The following ZFP69 variants were observed in gnomAD, a reference collection of about 807,000 sequenced individuals.
ZFP69 encodes ZFP69 zinc finger protein.
ZFP69 carries 35 observed loss-of-function variants against 48.9 expected under a neutral mutation model. The observed-to-expected ratio is 0.72, with a 90% CI of 0.55 to 0.95. The LOEUF (loss-of-function observed/expected upper bound fraction) is 0.95, where lower values mean the gene tolerates loss of function less well. Ranked by LOEUF, ZFP69 falls within the 40% of genes least tolerant of loss-of-function variation. The pLI is 0.00. For synonymous variants in ZFP69, 193 were observed against 216.8 expected (o/e 0.89, Z 0.96); for missense variants, 557 against 638.4 (o/e 0.87, Z 1.37).
intron 2 of ZFP69, among the ~76,000 whole-genome samples, chr1:40,481,210 G>A (rs945329239): frequency 6.6e-6 from 1 of 151,354 alleles, no homozygotes; most frequent in Admixed American, 6.6e-5. Context: ...GGATACAAAA[G>A]TGGGTGCCTT....
In ZFP69 at chr1:40,495,966, A is replaced by G. The variant is rs758856847; in HGVS notation, c.1488A>G (p.Glu496=). 1.2e-6 allele frequency: 2 copies of G among 1,614,204 alleles called. No individual in the cohort carries two copies. The highest frequency in any genetic ancestry group is 4.5e-5 in the East Asian group (2 of 44,864). ...ATCACACTGGAGAAAAACCTTACGA[A>G]TGTAACGAATGTGGAAAAGCCTTCA... is the stretch of plus-strand genomic sequence containing the variant. ...QRHHTGEKPY[E]CNECGKAFSY... Residue 496 remains glutamate (E), a synonymous_variant, in exon 6 of 6, where the codon GAA becomes GAG. Transcript: ENST00000372706.
intron 3 of ZFP69, among the ~76,000 whole-genome samples, chr1:40,487,619 T>C (rs974044567): frequency 6.6e-6 from 1 of 152,234 alleles, no homozygotes; most frequent in Non-Finnish European, 1.5e-5. Context: ...ATTAGTATGA[T>C]AATTTTATAG....
In ZFP69 at chr1:40,495,924, TA is replaced by T; in HGVS notation, c.1452del (p.Lys484AsnfsTer50). 6.2e-7 allele frequency: 1 copy of T among 1,614,132 alleles called. No individual in the cohort carries two copies. Among genetic ancestry groups the T allele is most frequent in the Non-Finnish European group, 8.5e-7 (1 of 1,180,028 alleles). ...AAGCCTATAGGCATGATTCATCCTT[TA>T]AAAAACATCAGAGACATCACACTGG... ...GKAYRHDSSF[K>X]KHQRHHTGEK... On this transcript the variant is annotated frameshift_variant, in exon 6 of 6. Coordinates refer to ENST00000372706, the MANE Select transcript of ZFP69 (RefSeq NM_001320179.2). LOFTEE classifies it high-confidence loss of function.
Position 40,496,004 on chromosome 1 carries a change from C to T in ZFP69, c.1526C>T (p.Ser509Leu). Reference sequence around the variant, plus strand: ...GGAAAAGCCTTCAGCTATAACTCTTCACTTAGTCGACATCATGAAATACAC... The same window carrying T: ...GGAAAAGCCTTCAGCTATAACTCTTTACTTAGTCGACATCATGAAATACAC... The part of the protein sequence containing the change: ...ECGKAFSYNS[S>L]LSRHHEIHRR... The change falls in exon 6 of 6, where the codon TCA becomes TTA. Residue 509 changes from serine (S) to leucine (L), a missense_variant. By Grantham distance (145) the Ser-to-Leu change is moderately radical (BLOSUM62 -2). Coordinates refer to ENST00000372706, the MANE Select transcript of ZFP69 (RefSeq NM_001320179.2). 6.2e-7 allele frequency: 1 copy of T among 1,612,214 alleles called. No individual in the cohort carries two copies. Among genetic ancestry groups the T allele is most frequent in the Non-Finnish European group, 8.5e-7 (1 of 1,179,200 alleles).
Position 40,495,417 on chromosome 1 carries a change from C to T in ZFP69, c.939C>T (p.Ser313=). ...ECGRAFSQSA[S]LSTHQRIHTG... is the part of the protein sequence containing the mutation. ...GAAGGGCCTTTAGTCAAAGTGCATC[C>T]CTCAGTACACACCAGAGAATCCATA... Residue 313 remains serine, a synonymous_variant, in exon 6 of 6, where the codon TCC becomes TCT. Transcript: ENST00000372706. The T allele has an allele frequency of 1.9e-6, 3 of 1,614,088 alleles. No individual in the cohort carries two copies. The highest frequency in any genetic ancestry group is 2.5e-6 in the Non-Finnish European group (3 of 1,180,012).
chr1:40,494,564 G>A (rs1027637348), intron 5 of ZFP69, among the ~76,000 whole-genome samples: 22 of 146,198 alleles, frequency 1.5e-4, no homozygotes, highest in African/African-American at 3.7e-4. Context: ...CACCGCGCCC[G>A]GCCCAAATAT....
intron 5 of ZFP69, among the ~76,000 whole-genome samples, chr1:40,490,155 T>C (rs1430504011): frequency 6.6e-6 from 1 of 151,768 alleles, no homozygotes; most frequent in East Asian, 1.9e-4. Flanking sequence ...TGTGAGCCAC[T>C]GCGCCAGGCT....
chr1:40,484,378 T>TTC (rs1645474052), intron 3 of ZFP69, among the ~76,000 whole-genome samples: 1 of 151,790 alleles, frequency 6.6e-6, no homozygotes, highest in Admixed American at 6.6e-5. Context: ...TTTGTATTTT[T>TTC]AGTAGAGATG....
rs61340373 is a variant in ZFP69 at position 40,479,320 on chromosome 1, A to G, written c.-42A>G. On this transcript the variant is annotated 5_prime_UTR_variant, in exon 2 of 6. Transcript: ENST00000372706. ...AGCGTCTCATCAAGAGCTTCTGGCA[A>G]TTTCCTCACCAGAAGTGGACAAGTC... 2.0e-5 allele frequency: 33 copies of G among 1,610,496 alleles called. No homozygotes were observed. In the African/African-American group the frequency reaches 3.7e-4, roughly 18 times the overall value.
chr1:40,489,313 T>C (rs1645538837), intron 4 of ZFP69, 99 bp downstream of exon 4: 4 of 1,483,030 alleles, frequency 2.7e-6, no homozygotes, highest in Middle Eastern at 1.8e-4. Flanking sequence ...TTGATTTGGG[T>C]TCTGTATTAA....
chr1:40,487,743 C>T (rs1433139778), intron 3 of ZFP69, among the ~76,000 whole-genome samples: 1 of 152,134 alleles, frequency 6.6e-6, no homozygotes, highest in Non-Finnish European at 1.5e-5. Context: ...AATTGCATAT[C>T]ACAGTAAAAA....
chr1:40,491,622 T>C (rs939660921), intron 5 of ZFP69, among the ~76,000 whole-genome samples: 9 of 152,178 alleles, frequency 5.9e-5, no homozygotes, highest in African/African-American at 2.2e-4. Context: ...ATATTTCTCA[T>C]GTTCATTGAC....
intron 2 of ZFP69, among the ~76,000 whole-genome samples, chr1:40,480,615 A>C (rs920862221): frequency 6.6e-6 from 1 of 152,068 alleles, no homozygotes; most frequent in Non-Finnish European, 1.5e-5. Context: ...AAAACTTAAA[A>C]GTGCAGCAAT....
intron 3 of ZFP69, among the ~76,000 whole-genome samples, chr1:40,483,123 G>A (rs534322909): frequency 3.0e-4 from 45 of 151,698 alleles, no homozygotes; most frequent in African/African-American, 9.2e-4. Context: ...GTGGAATACC[G>A]TTTAAAAAGG....
In ZFP69 at chr1:40,495,181, A is replaced by C. The variant is rs149427370; in HGVS notation, c.703A>C (p.Asn235His). Reference sequence around the variant, plus strand: ...TGGGGAAAATATCATTGTGCATTCAAATGTTATTATTGAACAGAGGCACCA... The same window carrying C: ...TGGGGAAAATATCATTGTGCATTCACATGTTATTATTGAACAGAGGCACCA... ...KFGENIIVHS[N>H]VIIEQRHHKY... The change falls in exon 6 of 6, where the codon AAT (asparagine) becomes CAT (histidine). Residue 235 changes from asparagine (N) to histidine (H), a missense_variant. By Grantham distance (68) the Asn-to-His change is moderately conservative. Transcript: ENST00000372706. 68 of 1,614,024 alleles carry C rather than the reference A, an allele frequency of 4.2e-5. No homozygotes were observed. Among genetic ancestry groups the C allele is most frequent in the Non-Finnish European group, 5.3e-5 (63 of 1,180,016 alleles).
rs1252362074 is a variant in ZFP69, at chr1:40,487,960, T to C, written c.220-1128T>C. On this transcript the variant is annotated intron_variant, in intron 3 of 5. Coordinates refer to ENST00000372706, the MANE Select transcript of ZFP69 (RefSeq NM_001320179.2). Reference sequence around the variant, plus strand: ...TACCTGGGAGGCTGAGGCAGGAGAATCACTTGAACCCGGGAGGTGGCAGTG... The same window carrying C: ...TACCTGGGAGGCTGAGGCAGGAGAACCACTTGAACCCGGGAGGTGGCAGTG... 8.0e-5 allele frequency among the ~76,000 whole-genome samples: 12 copies of C among 149,578 alleles called. No individual in the cohort carries two copies. The East Asian group carries it at 2.2e-3, about 27-fold the overall frequency.
intron 3 of ZFP69, among the ~76,000 whole-genome samples, chr1:40,485,102 G>A (rs922472503): frequency 2.6e-5 from 4 of 151,024 alleles, no homozygotes; most frequent in Non-Finnish European, 4.4e-5. Context: ...CATGGTGGCC[G>A]GGCTGGTCTC....
chr1:40,481,318 G>T (rs1466909586), intron 2 of ZFP69, among the ~76,000 whole-genome samples: 1 of 152,152 alleles, frequency 6.6e-6, no homozygotes, highest in Non-Finnish European at 1.5e-5. Context: ...TAAAGTAGCA[G>T]TACCCATTGT....
chr1:40,491,251 T>A (rs1424991483), intron 5 of ZFP69: 1 of 152,232 alleles, frequency 6.6e-6, no homozygotes, highest in Non-Finnish European at 1.5e-5. Context: ...ACAATGTTCT[T>A]ATTCATTTTC....
Sources: gnomAD v4.1 joint callset for allele counts (sites outside exome capture counted in the v4.1 genomes callset) on GRCh38, gnomAD v4.1.1 for gene constraint, MANE v1.5 for transcripts, NCBI Gene and HGNC (gene_info 2026-07-23, HGNC 2026-07-21) for gene names.